Variants in ZNF480 observed in about 807,000 individuals in gnomAD.
The protein encoded by ZNF480 is zinc finger protein 480.
Under a neutral mutation model 14.4 loss-of-function variants are expected in ZNF480, and 15 were observed. That is an observed-to-expected ratio of 1.04 (90% CI 0.70 to 1.60). The LOEUF (loss-of-function observed/expected upper bound fraction) is 1.60, where lower values mean the gene tolerates loss of function less well. ZNF480 is among the 40% of genes most tolerant of loss of function. The pLI is 0.00. For missense variants in ZNF480, 593 were observed against 629.7 expected, an observed-to-expected ratio of 0.94 and a Z score of 0.62; for synonymous variants, 218 against 215.5, an observed-to-expected ratio of 1.01 and a Z score of -0.10.
At position 52,323,157 on chromosome 19, in the gene ZNF480, T is replaced by C. The variant is rs1207334584; in HGVS notation, c.*299T>C. The stretch of plus-strand genomic sequence containing the variant: ...AACCCCACAGAAATACGAAAAACCC[T>C]CAAAGATTACTATAAACACCTGTAT... On this transcript the variant is annotated 3_prime_UTR_variant, in exon 5 of 5. Transcript: ENST00000595962. The C allele has an allele frequency of 7.5e-6, 2 of 266,186 alleles. No individual in the cohort carries two copies. The highest frequency in any genetic ancestry group is 4.5e-5 in the African/African-American group (2 of 44,716). 16.5% of individuals were successfully genotyped at this position (266,186 alleles called of 1,614,324 possible).
intron 1 of ZNF480, among the ~76,000 whole-genome samples, chr19:52,297,591 C>A (rs924566921): frequency 5.3e-5 from 8 of 152,176 alleles, no homozygotes; most frequent in African/African-American, 1.9e-4. Flanking sequence ...GAGCACAGCG[C>A]TCCAATCTCA....
At chr19:52,316,739 G>A (rs536755764) in intron 4 of ZNF480, among the ~76,000 whole-genome samples, 16 of 151,958 alleles carry the variant, frequency 1.1e-4, no homozygotes, top group Middle Eastern at 3.4e-3. Flanking sequence ...CTCCCCTCCC[G>A]CTTTCTTGTC....
chr19:52,314,109 T>A, intron 2 of ZNF480, 44 bp from the exon 3 acceptor site: 1 of 1,521,644 alleles, frequency 6.6e-7, no homozygotes, highest in South Asian at 1.1e-5. Context: ...TGAAGATTAA[T>A]ACCCTTTACA....
At chr19:52,316,156 T>A (rs949251618) in intron 4 of ZNF480, among the ~76,000 whole-genome samples, 194 bp downstream of exon 4, 3 of 151,938 alleles carry the variant, frequency 2.0e-5, no homozygotes, top group Non-Finnish European at 4.4e-5. Context: ...ATTTTTTTGT[T>A]TATTTGACTG....
rs539966251 is a variant in ZNF480 at position 52,300,686 on chromosome 19, C to T, written c.72+202C>T. 6 of 872,006 alleles carry T rather than the reference C, an allele frequency of 6.9e-6. No homozygotes were observed. In the Admixed American group the frequency reaches 1.1e-4, roughly 16 times the overall value. 54.0% of individuals were successfully genotyped at this position (872,006 alleles called of 1,614,324 possible). On this transcript the variant is annotated intron_variant, in intron 2 of 4. Transcript: ENST00000595962. The stretch of plus-strand genomic sequence containing the variant: ...ACTAGAGGAATTAAAGACACAGACA[C>T]AAGAATAGAGTGTAAAGTGGGATCA...
intron 4 of ZNF480, chr19:52,317,631 A>G (rs1220338218): frequency 6.6e-6 from 1 of 152,346 alleles, no homozygotes; most frequent in African/African-American, 2.4e-5. Flanking sequence ...TAGGCCTCCC[A>G]AAGTAGTAAC....
chr19:52,314,325 T>G, intron 3 of ZNF480, 46 bp downstream of exon 3: 1 of 1,444,492 alleles, frequency 6.9e-7, no homozygotes, highest in Non-Finnish European at 9.2e-7. Flanking sequence ...CCTTGGTTAT[T>G]TCAGCATTTT....
intron 2 of ZNF480, among the ~76,000 whole-genome samples, chr19:52,304,465 A>C (rs1177037139): frequency 6.6e-6 from 1 of 152,110 alleles, no homozygotes; most frequent in Non-Finnish European, 1.5e-5. Context: ...CTAATTGTTC[A>C]GTAACTAAGT....
intron 4 of ZNF480, among the ~76,000 whole-genome samples, chr19:52,316,192 TTC>T (rs772620791): frequency 2.3e-4 from 27 of 118,636 alleles, no homozygotes; most frequent in African/African-American, 7.6e-4. Context: ...CTCTCTCTCT[TTC>T]TCTTTCTTTC....
At chr19:52,306,757 C>T (rs1341955092) in intron 2 of ZNF480, among the ~76,000 whole-genome samples, 3 of 152,258 alleles carry the variant, frequency 2.0e-5, no homozygotes, top group Admixed American at 2.0e-4. Context: ...TGTATTCTAA[C>T]AGGGAACTGC....
At chr19:52,308,750 C>T (rs2122531070) in intron 2 of ZNF480, 1 of 152,120 alleles carries the variant, frequency 6.6e-6, no homozygotes, top group East Asian at 1.9e-4. Context: ...GTCTCCTGCA[C>T]CAGCTGTGTT....
At chr19:52,302,548 C>A (rs992606381) in intron 2 of ZNF480, among the ~76,000 whole-genome samples, 1 of 152,118 alleles carries the variant, frequency 6.6e-6, no homozygotes, top group Admixed American at 6.5e-5. Context: ...CCCATCACTG[C>A]GAAGCATTGC....
At chr19:52,320,749 T>G (rs1983772190) in intron 4 of ZNF480, among the ~76,000 whole-genome samples, 1 of 151,996 alleles carries the variant, frequency 6.6e-6, no homozygotes, top group Non-Finnish European at 1.5e-5. Context: ...TGAGATTGCA[T>G]CATTGTACTC....
At chr19:52,318,379 A>C (rs1983655958) in intron 4 of ZNF480, among the ~76,000 whole-genome samples, 1 of 152,182 alleles carries the variant, frequency 6.6e-6, no homozygotes, top group African/African-American at 2.4e-5. Context: ...AAGTGCTGGG[A>C]TTACAGGCAT....
chr19:52,322,825 C>A lies in ZNF480; in HGVS notation c.1575C>A (p.Tyr525Ter), dbSNP rs1339159016. ...ECGKAFSRIS[Y>*]LAQHWTIHMG The stretch of plus-strand genomic sequence containing the variant: ...GCAAGGCCTTTAGTCGCATTTCATA[C>A]CTAGCACAACATTGGACAATTCATA... The change falls in exon 5 of 5, where the codon TAC becomes TAA. Residue 525 changes from tyrosine to a stop codon, truncating the protein, a stop_gained. Coordinates refer to ENST00000595962, the MANE Select transcript of ZNF480 (RefSeq NM_144684.4). LOFTEE classifies it low-confidence loss of function (END_TRUNC). 3 of 1,601,648 alleles carry A rather than the reference C, an allele frequency of 1.9e-6. No individual in the cohort carries two copies. The highest frequency in any genetic ancestry group is 2.6e-6 in the Non-Finnish European group (3 of 1,172,560).
In ZNF480 at chr19:52,297,199, T is replaced by C; in HGVS notation, c.-44T>C. The C allele has an allele frequency of 4.6e-6, 2 of 436,972 alleles. No homozygotes were observed. The highest frequency in any genetic ancestry group is 3.2e-5 in the South Asian group (2 of 63,162). 27.1% of individuals were successfully genotyped at this position (436,972 alleles called of 1,614,324 possible). On this transcript the variant is annotated 5_prime_UTR_variant, in exon 1 of 5. Transcript: ENST00000595962. Reference sequence around the variant, plus strand: ...CCCACAAACCCGGAAGCGGATCGCGTGGAGTGAAGGTCACGCCGCGGCGCG... The same window carrying C: ...CCCACAAACCCGGAAGCGGATCGCGCGGAGTGAAGGTCACGCCGCGGCGCG...
Position 52,321,893 on chromosome 19 carries a change from T to C in ZNF480, c.643T>C (p.Ser215Pro), listed in dbSNP as rs746684174. ...TGAGCATAGCAAAGTCTTTAGAGTA[T>C]CTTCCAGCCTTACTAAACATCAAGT... ...CNEHSKVFRV[S>P]SSLTKHQVIH... Residue 215 changes from serine to proline, a missense_variant, in exon 5 of 5, where the codon TCT becomes CCT. Coordinates refer to ENST00000595962, the MANE Select transcript of ZNF480 (RefSeq NM_144684.4). 1 of 1,614,154 alleles carries C rather than the reference T, an allele frequency of 6.2e-7. No homozygotes were observed. The highest frequency in any genetic ancestry group is 1.7e-5 in the Admixed American group (1 of 60,010).
intron 2 of ZNF480, among the ~76,000 whole-genome samples, chr19:52,304,747 G>A (rs761843915): frequency 5.3e-5 from 8 of 151,892 alleles, no homozygotes; most frequent in Admixed American, 1.3e-4. Context: ...TGGAATGAAC[G>A]CTTGTGCTCC....
intron 2 of ZNF480, among the ~76,000 whole-genome samples, chr19:52,302,595 G>A (rs941277531): frequency 1.1e-4 from 16 of 152,192 alleles, no homozygotes; most frequent in African/African-American, 3.1e-4. Context: ...AGAGTCCCTC[G>A]TTTGACAGGT....
Sources: gnomAD v4.1 joint callset for allele counts (sites outside exome capture counted in the v4.1 genomes callset) on GRCh38, gnomAD v4.1.1 for gene constraint, MANE v1.5 for transcripts, NCBI Gene and HGNC (gene_info 2026-07-23, HGNC 2026-07-21) for gene names.